The following GPR137C variants were observed in gnomAD, a reference collection of about 807,000 sequenced individuals.
The protein encoded by GPR137C is G protein-coupled receptor 137C, also known as integral membrane protein GPR137C.
Under a neutral mutation model 43.4 loss-of-function variants are expected in GPR137C, and 27 were observed. The observed-to-expected ratio is 0.62, with a 90% CI of 0.46 to 0.86. The LOEUF (loss-of-function observed/expected upper bound fraction) is 0.86. Ranked by LOEUF, GPR137C falls within the 40% of genes least tolerant of loss-of-function variation. GPR137C has a pLI of 0.00. For missense variants in GPR137C, 522 were observed against 534.6 expected, an observed-to-expected ratio of 0.98 and a Z score of 0.23; for synonymous variants, 285 against 226.9, an observed-to-expected ratio of 1.26 and a Z score of -2.30.
intron 3 of GPR137C, among the ~76,000 whole-genome samples, chr14:52,624,869 C>T (rs553635411): frequency 6.6e-6 from 1 of 152,014 alleles, no homozygotes; most frequent in African/African-American, 2.4e-5. Context: ...TACAAATTGC[C>T]AATGTTATGA....
intron 1 of GPR137C, among the ~76,000 whole-genome samples, chr14:52,593,322 G>T (rs191808525): frequency 2.6e-5 from 4 of 152,160 alleles, no homozygotes; most frequent in African/African-American, 9.7e-5. Flanking sequence ...CCAGGCCTTT[G>T]TGTCGGGATG....
intron 1 of GPR137C, among the ~76,000 whole-genome samples, chr14:52,584,483 G>A (rs938896150): frequency 8.5e-5 from 13 of 152,094 alleles, no homozygotes; most frequent in Non-Finnish European, 1.5e-4. Flanking sequence ...GTAAGGTTAC[G>A]GTGACTTTTG....
rs1046540405 is a variant in GPR137C at position 52,594,988 on chromosome 14, C to T, written c.445-3284C>T. Among the ~76,000 whole-genome samples, 66 of 152,144 alleles carry T rather than the reference C, an allele frequency of 4.3e-4. 1 individual carries two copies. Among genetic ancestry groups the T allele is most frequent in the Non-Finnish European group, 1.2e-4 (8 of 68,020 alleles). On this transcript the variant is annotated intron_variant, in intron 1 of 6. Coordinates refer to ENST00000321662, the MANE Select transcript of GPR137C (RefSeq NM_001099652.2). ...TTCTTTCCATGTTTAGTGCTTCCTT[C>T]AGGAGCTCTTGTAAGGCAGGCCTGG...
At chr14:52,612,230 G>A (rs1340385033) in intron 3 of GPR137C, 37 of 980,608 alleles carry the variant, frequency 3.8e-5, no homozygotes, top group Non-Finnish European at 4.2e-5. Flanking sequence ...ACACTTAACT[G>A]TATTTGGAAC....
rs1382503244 is a variant in GPR137C, at chr14:52,633,930, A to C, written c.1096A>C (p.Ser366Arg). 1 of 1,597,284 alleles carries C rather than the reference A, an allele frequency of 6.3e-7. No individual in the cohort carries two copies. Residue 366 changes from serine to arginine, a missense_variant, in exon 6 of 7, where the codon AGT becomes CGT. Physicochemically the swap from Ser to Arg is moderately radical, Grantham distance 110. Transcript: ENST00000321662. ...DSDDDLPRLG[S>R]SREGSLPNSQ... is the part of the protein sequence containing the mutation. ...TGATGATGACCTGCCAAGACTGGGA[A>C]GTTCAAGAGAAGGAAGGTAGATGTA...
intron 1 of GPR137C, among the ~76,000 whole-genome samples, chr14:52,580,811 T>C (rs538729429): frequency 2.5e-3 from 273 of 111,122 alleles, no homozygotes; most frequent in African/African-American, 8.3e-3. Flanking sequence ...TTATATATTA[T>C]TTATATTTAT....
intron 3 of GPR137C, among the ~76,000 whole-genome samples, chr14:52,615,182 T>G (rs1054010669): frequency 6.6e-6 from 1 of 152,186 alleles, no homozygotes; most frequent in Non-Finnish European, 1.5e-5. Flanking sequence ...GTATATCCAG[T>G]TTTCTGAGCA....
chr14:52,599,544 G>A (rs1435173620), intron 2 of GPR137C, among the ~76,000 whole-genome samples: 1 of 148,682 alleles, frequency 6.7e-6, no homozygotes, highest in Non-Finnish European at 1.5e-5. Context: ...AGTGATTCTT[G>A]TGCCTCAGCC....
chr14:52,553,252 A>T lies in GPR137C; in HGVS notation c.105A>T (p.Ala35=). The T allele has an allele frequency of 7.4e-7, 1 of 1,354,372 alleles. No individual in the cohort carries two copies. The allele number at this position is 1,354,372 out of a possible 1,614,324, so 83.9% of individuals were successfully genotyped here. A position where few individuals can be genotyped will look rare whatever the true frequency, so the allele number is the denominator to read the frequency against. ...GGSGGGGAVA[A]ASGAAVPGSV... ...GCGGAGGCGGAGGCGCCGTCGCTGC[A>T]GCCTCAGGCGCCGCGGTGCCGGGCT... Residue 35 remains alanine, a synonymous_variant, in exon 1 of 7, where the codon GCA becomes GCT. Coordinates refer to ENST00000321662, the MANE Select transcript of GPR137C (RefSeq NM_001099652.2).
In GPR137C at chr14:52,553,209, C is replaced by G; in HGVS notation, c.62C>G (p.Ser21Cys). 1.6e-6 allele frequency: 2 copies of G among 1,260,686 alleles called. No individual in the cohort carries two copies. The highest frequency in any genetic ancestry group is 2.0e-6 in the Non-Finnish European group (2 of 1,003,894). The allele number at this position is 1,260,686 out of a possible 1,614,324, so 78.1% of individuals were successfully genotyped here. ...GCCCCCGCAGCCGGCCGCGAGCCCT[C>G]CACGCCCGGCGGGGGCAGCGGAGGC... ...AAAPAAGREP[S>C]TPGGGSGGGG... Residue 21 changes from serine (S) to cysteine (C), a missense_variant, in exon 1 of 7, where the codon TCC (serine) becomes TGC (cysteine). Ser to Cys is a moderately radical substitution (Grantham distance 112). Transcript: ENST00000321662.
chr14:52,569,324 A>C (rs2139455290), intron 1 of GPR137C, among the ~76,000 whole-genome samples: 1 of 152,238 alleles, frequency 6.6e-6, no homozygotes, highest in East Asian at 1.9e-4. Flanking sequence ...TAAATCCATG[A>C]AGATGAGGAA....
intron 1 of GPR137C, among the ~76,000 whole-genome samples, chr14:52,594,886 G>C (rs552086460): frequency 1.3e-5 from 2 of 152,128 alleles, no homozygotes; most frequent in Admixed American, 1.3e-4. Context: ...TATTTTGCCC[G>C]TTAATTGATG....
intron 3 of GPR137C, among the ~76,000 whole-genome samples, chr14:52,604,018 G>A (rs1388069617): frequency 1.3e-5 from 2 of 152,098 alleles, no homozygotes; most frequent in South Asian, 4.1e-4. Flanking sequence ...GATGATTGAT[G>A]TTGAATTTTT....
chr14:52,620,511 C>G (rs906998356), intron 3 of GPR137C, among the ~76,000 whole-genome samples: 40 of 151,920 alleles, frequency 2.6e-4, no homozygotes, highest in Admixed American at 2.3e-3. Context: ...AAATATGTCA[C>G]TCACAATGTC....
At chr14:52,560,820 G>A (rs917331850) in intron 1 of GPR137C, among the ~76,000 whole-genome samples, 3 of 152,150 alleles carry the variant, frequency 2.0e-5, no homozygotes, top group Admixed American at 1.3e-4. Context: ...TCTTGGAGGA[G>A]GCAAAGGTTT....
chr14:52,560,768 C>T lies in GPR137C; in HGVS notation c.444+7177C>T, dbSNP rs565678057. 1.6e-4 allele frequency among the ~76,000 whole-genome samples: 24 copies of T among 152,202 alleles called. No individual in the cohort carries two copies. In the South Asian group the frequency reaches 3.7e-3, roughly 24 times the overall value. Reference sequence around the variant, plus strand: ...AATGTACTTGACATAGATCATAGACCTAACTGTAAAAGCTAAAATTTGTAG... The same window carrying T: ...AATGTACTTGACATAGATCATAGACTTAACTGTAAAAGCTAAAATTTGTAG... On this transcript the variant is annotated intron_variant, in intron 1 of 6. Coordinates refer to ENST00000321662, the MANE Select transcript of GPR137C (RefSeq NM_001099652.2).
intron 3 of GPR137C, among the ~76,000 whole-genome samples, chr14:52,610,825 C>A (rs1005493902): frequency 5.9e-5 from 9 of 152,180 alleles, no homozygotes; most frequent in Admixed American, 5.2e-4. Flanking sequence ...TAAACATGCC[C>A]AAGTTCACAT....
intron 3 of GPR137C, chr14:52,612,280 C>T (rs2039046527): frequency 2.2e-6 from 2 of 927,604 alleles, no homozygotes; most frequent in Middle Eastern, 5.4e-4. Flanking sequence ...CCTGCTTTTC[C>T]CCTTATACTA....
chr14:52,582,653 G>T (rs2038663105), intron 1 of GPR137C, among the ~76,000 whole-genome samples: 1 of 152,126 alleles, frequency 6.6e-6, no homozygotes, highest in Non-Finnish European at 1.5e-5. Context: ...AATTAGCCGG[G>T]TGTGTTGGTG....
Sources: allele counts gnomAD v4.1 joint callset (sites outside exome capture counted in the v4.1 genomes callset), GRCh38; gene constraint gnomAD v4.1.1; transcripts MANE v1.5; gene names NCBI Gene and HGNC (gene_info 2026-07-23, HGNC 2026-07-21).